TBX22: variants seen among roughly 807,000 people sequenced by gnomAD.
The protein encoded by TBX22 is T-box transcription factor TBX22.
TBX22 carries 8 observed loss-of-function variants against 30.1 expected under a neutral mutation model. That is an observed-to-expected ratio of 0.27 (90% CI 0.16 to 0.48). The LOEUF (loss-of-function observed/expected upper bound fraction) is 0.48. TBX22 is among the 20% of genes least tolerant of loss of function. The pLI is 0.99. For missense variants in TBX22, 463 were observed against 400.5 expected (o/e 1.16, Z -1.33); for synonymous variants, 173 against 149.1 (o/e 1.16, Z -1.17).
intron 7 of TBX22, among the ~76,000 whole-genome samples, 198 bp from the exon 8 acceptor site, chrX:80,027,789 TCCTC>T (rs1334650517): frequency 1.8e-5 from 2 of 112,198 alleles, no homozygotes; most frequent in Non-Finnish European, 3.8e-5. Context: ...AAACATTACT[TCCTC>T]CCACTCCTTT....
rs893015713 is a variant in TBX22, at chrX:80,031,304, C to T, written c.*193C>T. ...AGTTGTTTATAATGTCAAATGAAAC[C>T]TACAGGAATCTCTGATTACAGTGGC... On this transcript the variant is annotated 3_prime_UTR_variant, in exon 9 of 9. Coordinates refer to ENST00000373296, the MANE Select transcript of TBX22 (RefSeq NM_001109878.2). The T allele has an allele frequency of 2.3e-6, 1 of 440,126 alleles. No homozygotes were observed. The highest frequency in any genetic ancestry group is 6.4e-4 in the Middle Eastern group (1 of 1,572). 36.3% of individuals were successfully genotyped at this position (440,126 alleles called of 1,213,427 possible). A position where few individuals can be genotyped will look rare whatever the true frequency, so the allele number is the denominator to read the frequency against.
rs760763118 is a variant in TBX22 at position 80,022,377 on chromosome X, G to A, written c.108G>A (p.Arg36=). 5 of 1,209,937 alleles carry A rather than the reference G, an allele frequency of 4.1e-6. No individual in the cohort carries two copies. In the South Asian group the frequency reaches 7.1e-5, roughly 17 times the overall value. The change falls in exon 2 of 9, where the codon CGG becomes CGA. Residue 36 remains arginine (R), a synonymous_variant. Transcript: ENST00000373296. ...TACAGGCGGAGCAGCCTGAGCTGCG[G>A]GAGAAAAAGGGCGGAGAGGAAGAGG... ...DPIQAEQPEL[R]EKKGGEEEEE...
chrX:80,026,061 A>G (rs781053071), intron 5 of TBX22, among the ~76,000 whole-genome samples: 2 of 111,348 alleles, frequency 1.8e-5, no homozygotes, highest in African/African-American at 3.3e-5. Flanking sequence ...GGAGGGAACC[A>G]TTCAGGGAGT....
chrX:80,025,827 G>A, intron 5 of TBX22, 50 bp downstream of exon 5: 1 of 1,102,331 alleles, frequency 9.1e-7, no homozygotes, highest in Non-Finnish European at 1.2e-6. Flanking sequence ...CAAGGCTCCT[G>A]CCCACTGGTC....
At position 80,023,280 on chromosome X, in the gene TBX22, T is replaced by TG. The variant is rs760577127; in HGVS notation, c.356+40_356+41insG. The TG allele has an allele frequency of 9.5e-6, 11 of 1,155,857 alleles. No individual in the cohort carries two copies. In the South Asian group the frequency reaches 1.8e-4, roughly 19 times the overall value. ...AAGCTGTTCACAAGGGTCACACACA[T>TG]TAGGCACTTAATTTACCGCTCTGGT... On this transcript the variant is annotated intron_variant, in intron 3 of 8. Transcript: ENST00000373296.
Position 80,028,051 on chromosome X carries a change from TA to T in TBX22, c.928del (p.Thr310ProfsTer16). On this transcript the variant is annotated frameshift_variant, in exon 8 of 9. Transcript: ENST00000373296. LOFTEE classifies it high-confidence loss of function. ...PWRPSFTLDF[K>X]TFGADTQSGS... ...GGAGGCCTTCTTTCACTCTCGATTT[TA>T]AAACCTTTGGCGCAGACACACAAAG... 1 of 1,211,198 alleles carries T rather than the reference TA, an allele frequency of 8.3e-7. No homozygotes were observed. The highest frequency in any genetic ancestry group is 1.1e-6 in the Non-Finnish European group (1 of 894,861).
rs1923849613 is a variant in TBX22, at chrX:80,024,051, T to C, written c.357-12T>C. The C allele has an allele frequency of 8.3e-7, 1 of 1,207,755 alleles. No homozygotes were observed. The highest frequency in any genetic ancestry group is 1.8e-5 in the South Asian group (1 of 56,898). ...AAAGCTCTTGGGTCAGTCCTTATTT[T>C]CTTTCTTACAGGCGGATGTTCCCCT... On this transcript the variant is annotated splice_polypyrimidine_tract_variant and intron_variant, in intron 3 of 8. Coordinates refer to ENST00000373296, the MANE Select transcript of TBX22 (RefSeq NM_001109878.2).
At chrX:80,020,870 G>C (rs1365613858) in intron 1 of TBX22, among the ~76,000 whole-genome samples, 1 of 111,907 alleles carries the variant, frequency 8.9e-6, no homozygotes, top group Non-Finnish European at 1.9e-5. Flanking sequence ...TTTTACAAAT[G>C]TGTCAGAGGA....
At chrX:80,025,509 C>A in intron 4 of TBX22, 94 bp from the exon 5 acceptor site, 1 of 721,322 alleles carries the variant, frequency 1.4e-6, no homozygotes. Flanking sequence ...CTTGGGATCA[C>A]TGGGCTAATC....
chrX:80,024,140 T>C lies in TBX22; in HGVS notation c.434T>C (p.Val145Ala). The C allele has an allele frequency of 8.3e-7, 1 of 1,210,610 alleles. No homozygotes were observed. Residue 145 changes from valine (V) to alanine (A), a missense_variant, in exon 4 of 9, where the codon GTG (valine) becomes GCG (alanine). Val to Ala is a moderately conservative substitution (Grantham distance 64, BLOSUM62 0). Coordinates refer to ENST00000373296, the MANE Select transcript of TBX22 (RefSeq NM_001109878.2). ...GKQYHVAIDV[V>A]PVDSKRYRYV... The stretch of plus-strand genomic sequence containing the variant: ...CAGTACCATGTGGCCATCGATGTGG[T>C]GCCGGTGGATTCCAAACGCTATAGG...
Position 80,030,881 on chromosome X carries a change from T to C in TBX22, c.1333T>C (p.Tyr445His). 1 of 1,211,934 alleles carries C rather than the reference T, an allele frequency of 8.3e-7. No homozygotes were observed. The highest frequency in any genetic ancestry group is 1.1e-6 in the Non-Finnish European group (1 of 895,421). ...ACCTAATTCTACCAATCAAATGTTA[T>C]ATGGATTACAGTCACCTGGAAATAT... ...QAPNSTNQML[Y>H]GLQSPGNIFL... Residue 445 changes from tyrosine (Y) to histidine (H), a missense_variant, in exon 9 of 9, where the codon TAT (tyrosine) becomes CAT (histidine). Tyr to His is a moderately conservative substitution (Grantham distance 83). Transcript: ENST00000373296.
At chrX:80,026,552 G>T (rs956501734) in intron 5 of TBX22, 152 bp from the exon 6 acceptor site, 3 of 555,843 alleles carry the variant, frequency 5.4e-6, no homozygotes, top group African/African-American at 4.5e-5. Context: ...AGCTCGGAGC[G>T]CCTCTGTTGG....
intron 1 of TBX22, among the ~76,000 whole-genome samples, chrX:80,021,061 C>T (rs1602407269): frequency 9.1e-6 from 1 of 109,412 alleles, no homozygotes; most frequent in Non-Finnish European, 1.9e-5. Flanking sequence ...GTAGACAAGT[C>T]TCTTCCTGAA....
intron 1 of TBX22, among the ~76,000 whole-genome samples, chrX:80,018,559 C>T (rs760569746): frequency 2.7e-5 from 3 of 111,804 alleles, no homozygotes; most frequent in Non-Finnish European, 5.6e-5. Flanking sequence ...TCGAGTGTTT[C>T]GCCTCAAAGA....
chrX:80,030,472 T>A lies in TBX22; in HGVS notation c.950-26T>A, dbSNP rs766094094. 23 of 1,208,366 alleles carry A rather than the reference T, an allele frequency of 1.9e-5. No individual in the cohort carries two copies. In the Admixed American group the frequency reaches 5.0e-4, roughly 26 times the overall value. ...GGAACATCAAATGTCAAGTTCATTA[T>A]TCATTGGCTGAATTGTCATTCACAG... On this transcript the variant is annotated intron_variant, in intron 8 of 8. Coordinates refer to ENST00000373296, the MANE Select transcript of TBX22 (RefSeq NM_001109878.2).
chrX:80,022,937 C>A (rs1923791405), intron 2 of TBX22, 123 bp from the exon 3 acceptor site: 3 of 683,865 alleles, frequency 4.4e-6, no homozygotes, highest in Non-Finnish European at 6.7e-6. Context: ...CTTGGGGAAT[C>A]TGTCGCCAAA....
Position 80,025,059 on chromosome X carries a change from G to C in TBX22, c.459-544G>C, listed in dbSNP as rs775505127. ...CAGTATGGAAACAGCAGAAAAAGCT[G>C]TTTGCTTCTCAAATTGCAGCTGGCT... On this transcript the variant is annotated intron_variant, in intron 4 of 8. Transcript: ENST00000373296. Among the ~76,000 whole-genome samples the C allele has an allele frequency of 2.5e-3, 285 of 112,298 alleles. 1 individual carries two copies. Among genetic ancestry groups the C allele is most frequent in the Middle Eastern group, 4.6e-3 (1 of 219 alleles).
rs1924190451 is a variant in TBX22, at chrX:80,030,412, C to T, written c.950-86C>T. ...AAGGAAAATTAATCTAAGGATGAAG[C>T]ACAGATAGTGAAGGATATGATTACT... On this transcript the variant is annotated intron_variant, in intron 8 of 8. Coordinates refer to ENST00000373296, the MANE Select transcript of TBX22 (RefSeq NM_001109878.2). The T allele has an allele frequency of 4.5e-6, 5 of 1,101,966 alleles. No individual in the cohort carries two copies. In the Admixed American group the frequency reaches 1.1e-4, roughly 24 times the overall value. The allele number at this position is 1,101,966 out of a possible 1,213,427, so 90.8% of individuals were successfully genotyped here.
In TBX22 at chrX:80,030,566, T is replaced by C; in HGVS notation, c.1018T>C (p.Ser340Pro). ...CCCCTCTCCTTTGAACTCCTTACTTTCTCCACTTTGCTTTTCACCTATGTT... is the reference window on the plus strand; with the variant it reads ...CCCCTCTCCTTTGAACTCCTTACTTCCTCCACTTTGCTTTTCACCTATGTT... ...GAPSPLNSLL[S>P]PLCFSPMFHL... The change falls in exon 9 of 9, where the codon TCT becomes CCT. Residue 340 changes from serine (S) to proline (P), a missense_variant. Ser to Pro is a moderately conservative substitution (Grantham distance 74). Transcript: ENST00000373296. 1 of 1,211,490 alleles carries C rather than the reference T, an allele frequency of 8.3e-7. No individual in the cohort carries two copies.
Sources: allele counts gnomAD v4.1 joint callset (sites outside exome capture counted in the v4.1 genomes callset), GRCh38; gene constraint gnomAD v4.1.1; transcripts MANE v1.5; gene names NCBI Gene and HGNC (gene_info 2026-07-23, HGNC 2026-07-21).